The following SGCZ variants were observed in gnomAD, a reference collection of about 807,000 sequenced individuals.
SGCZ encodes the protein zeta-sarcoglycan.
SGCZ carries 40 observed loss-of-function variants against 41.3 expected under a neutral mutation model. The ratio of observed to expected loss-of-function variants is 0.97; its 90% CI spans 0.75 to 1.26. The LOEUF (loss-of-function observed/expected upper bound fraction) is 1.26. Among genes scored for constraint, SGCZ ranks in the 50% most tolerant of loss-of-function variants. The pLI is 0.00. For missense variants in SGCZ, 552 were observed against 369.8 expected (o/e 1.49, Z -4.04); for synonymous variants, 206 against 137.5 (o/e 1.50, Z -3.49).
At chr8:14,823,053 C>CACAAAAAAAAAA (rs1287129558) in intron 1 of SGCZ, among the ~76,000 whole-genome samples, 1 of 69,396 alleles carries the variant, frequency 1.4e-5, no homozygotes, top group African/African-American at 1.1e-4. Flanking sequence ...CACCAATCCT[C>CACAAAAAAAAAA]ATAAAAAAAA....
At chr8:14,424,248 G>C (rs368528905) in intron 2 of SGCZ, among the ~76,000 whole-genome samples, 1 of 152,066 alleles carries the variant, frequency 6.6e-6, no homozygotes, top group African/African-American at 2.4e-5. Flanking sequence ...TTATGAACAG[G>C]CTTCTCTGCA....
intron 1 of SGCZ, among the ~76,000 whole-genome samples, chr8:14,642,817 G>T (rs1475453273): frequency 1.3e-5 from 2 of 151,342 alleles, no homozygotes; most frequent in East Asian, 3.9e-4. Flanking sequence ...TTTTTGTACT[G>T]AAACACAGCA....
At chr8:14,766,054 C>T (rs1388252445) in intron 1 of SGCZ, among the ~76,000 whole-genome samples, 1 of 151,586 alleles carries the variant, frequency 6.6e-6, no homozygotes, top group Non-Finnish European at 1.5e-5. Context: ...CCTCCACCTC[C>T]CGGGTTCAAG....
At chr8:14,613,104 C>G in intron 1 of SGCZ, among the ~76,000 whole-genome samples, 1 of 152,146 alleles carries the variant, frequency 6.6e-6, no homozygotes, top group East Asian at 1.9e-4. Flanking sequence ...CCACATGCAC[C>G]CTGCCTGGCA....
At chr8:15,079,328 T>C (rs1805658084) in intron 1 of SGCZ, among the ~76,000 whole-genome samples, 1 of 152,228 alleles carries the variant, frequency 6.6e-6, no homozygotes, top group Admixed American at 6.5e-5. Flanking sequence ...CTGTTGTCTT[T>C]ATATCTGACA....
At chr8:15,202,074 A>T (rs1800908645) in intron 1 of SGCZ, among the ~76,000 whole-genome samples, 1 of 152,210 alleles carries the variant, frequency 6.6e-6, no homozygotes, top group African/African-American at 2.4e-5. Context: ...CAAGATCAGA[A>T]AAACAGTATT....
intron 2 of SGCZ, among the ~76,000 whole-genome samples, chr8:14,460,730 G>C (rs78608265): frequency 0.11 from 16,711 of 152,196 alleles, 952 homozygotes; most frequent in African/African-American, 0.14. Context: ...AGTGTGTGTA[G>C]TGTTTCAAAA....
chr8:15,046,781 T>C (rs955884731), intron 1 of SGCZ, among the ~76,000 whole-genome samples: 21 of 152,056 alleles, frequency 1.4e-4, no homozygotes, highest in Admixed American at 9.8e-4. Context: ...AAATGTCTGA[T>C]GCTAATACTG....
rs905504824 is a variant in SGCZ, at chr8:15,169,400, G to A, written c.39+68185C>T. On this transcript the variant is annotated intron_variant, in intron 1 of 7. Coordinates refer to ENST00000382080, the MANE Select transcript of SGCZ (RefSeq NM_139167.4). ...GTGTGGAATCAGGGATTCCAATAGCGGGTAGGAAACTCTCTAGCAGGGACT... is the reference window on the plus strand; with the variant it reads ...GTGTGGAATCAGGGATTCCAATAGCAGGTAGGAAACTCTCTAGCAGGGACT... 1.2e-4 allele frequency among the ~76,000 whole-genome samples: 18 copies of A among 152,156 alleles called. 1 individual carries two copies. Among genetic ancestry groups the A allele is most frequent in the African/African-American group, 1.2e-4 (5 of 41,436 alleles).
intron 2 of SGCZ, among the ~76,000 whole-genome samples, chr8:14,492,337 G>C (rs1018738859): frequency 1.3e-5 from 2 of 152,056 alleles, no homozygotes; most frequent in Non-Finnish European, 2.9e-5. Flanking sequence ...TAAAAATTAT[G>C]TTTCTTTGTG....
chr8:14,959,549 T>C (rs887198239), intron 1 of SGCZ, among the ~76,000 whole-genome samples: 16 of 152,152 alleles, frequency 1.1e-4, no homozygotes, highest in Non-Finnish European at 2.1e-4. Flanking sequence ...CATTTAACAA[T>C]AGCTAATGCA....
At chr8:14,211,470 A>G (rs1362747336) in intron 4 of SGCZ, among the ~76,000 whole-genome samples, 1 of 152,182 alleles carries the variant, frequency 6.6e-6, no homozygotes, top group Admixed American at 6.5e-5. Flanking sequence ...CCTAAAGGTT[A>G]TCAATCAGTT....
Position 14,199,711 on chromosome 8 carries a change from G to C in SGCZ, c.425-35009C>G, listed in dbSNP as rs541535057. Among the ~76,000 whole-genome samples the C allele has an allele frequency of 1.2e-3, 183 of 152,108 alleles. 1 individual carries two copies. The highest frequency in any genetic ancestry group is 4.0e-3 in the African/African-American group (165 of 41,482). ...GCCAAAGCTTAGGGAAAATAGAAAA[G>C]AACCTACGTGAAATATCAGGAGTGA... On this transcript the variant is annotated intron_variant, in intron 4 of 7. Transcript: ENST00000382080.
intron 4 of SGCZ, among the ~76,000 whole-genome samples, chr8:14,220,679 C>A (rs1585245568): frequency 6.6e-6 from 1 of 151,968 alleles, no homozygotes; most frequent in Admixed American, 6.6e-5. Flanking sequence ...CCCAGCTACT[C>A]GGGAGGCTGA....
chr8:14,760,464 G>A (rs79192775), intron 1 of SGCZ, among the ~76,000 whole-genome samples: 12 of 152,156 alleles, frequency 7.9e-5, no homozygotes, highest in South Asian at 2.1e-4. Flanking sequence ...CTTTAAATTC[G>A]TTTGTCTGCC....
At chr8:14,638,955 A>C (rs2117420830) in intron 1 of SGCZ, among the ~76,000 whole-genome samples, 1 of 151,960 alleles carries the variant, frequency 6.6e-6, no homozygotes. Flanking sequence ...CACCTGCACT[A>C]ACAATAATAT....
chr8:15,199,977 C>T (rs527543163), intron 1 of SGCZ, among the ~76,000 whole-genome samples: 2 of 152,126 alleles, frequency 1.3e-5, no homozygotes, highest in Non-Finnish European at 2.9e-5. Context: ...AATGATAGCA[C>T]CTTCAGATTA....
At chr8:15,037,043 C>A (rs1803898901) in intron 1 of SGCZ, among the ~76,000 whole-genome samples, 1 of 152,118 alleles carries the variant, frequency 6.6e-6, no homozygotes, top group Non-Finnish European at 1.5e-5. Flanking sequence ...AACTGGACAT[C>A]ATTTTATGAT....
chr8:14,988,576 T>A (rs966725838), intron 1 of SGCZ, among the ~76,000 whole-genome samples: 10 of 152,122 alleles, frequency 6.6e-5, no homozygotes, highest in Non-Finnish European at 1.5e-5. Flanking sequence ...CGTCTTTTCA[T>A]TTCTATGCAG....
Sources: gnomAD v4.1 joint callset for allele counts (sites outside exome capture counted in the v4.1 genomes callset) on GRCh38, gnomAD v4.1.1 for gene constraint, MANE v1.5 for transcripts, NCBI Gene and HGNC (gene_info 2026-07-23, HGNC 2026-07-21) for gene names.